Variants in TRIP11 observed in about 807,000 individuals in gnomAD.
TRIP11 encodes the protein thyroid receptor-interacting protein 11.
A neutral mutation model predicts 223.1 loss-of-function variants in TRIP11; 148 were observed. That is an observed-to-expected ratio of 0.66 (90% CI 0.58 to 0.76). The LOEUF is 0.76. Ranked by LOEUF, TRIP11 falls within the 30% of genes least tolerant of loss-of-function variation. TRIP11 has a pLI of 0.00. For synonymous variants in TRIP11, 762 were observed against 772.6 expected (o/e 0.99, Z 0.23); for missense variants, 2,043 against 2,222.0 (o/e 0.92, Z 1.62).
chr14:91,979,463 G>A (rs147083692), intron 16 of TRIP11, among the ~76,000 whole-genome samples: 109 of 152,272 alleles, frequency 7.2e-4, no homozygotes, highest in Non-Finnish European at 1.4e-3. Flanking sequence ...AACTTACTAA[G>A]ATTGGTATGG....
chr14:91,976,333 C>T lies in TRIP11; in HGVS notation c.5261-144G>A, dbSNP rs1044896930. On this transcript the variant is annotated intron_variant, in intron 16 of 20. Coordinates refer to ENST00000267622, the MANE Select transcript of TRIP11 (RefSeq NM_004239.4). ...TGGGAATATTCAATAACTTCTATCT[C>T]TTCTTTGGTCCAGGGAACTAGGCTC... The T allele has an allele frequency of 5.2e-6, 4 of 767,398 alleles. No individual in the cohort carries two copies. The African/African-American group carries it at 7.0e-5, about 13-fold the overall frequency. The allele number at this position is 767,398 out of a possible 1,614,324, so 47.5% of individuals were successfully genotyped here. A position where few individuals can be genotyped will look rare whatever the true frequency, so the allele number is the denominator to read the frequency against.
chr14:92,039,508 T>C (rs900070182), intron 1 of TRIP11, 39 bp downstream of exon 1: 1 of 1,609,520 alleles, frequency 6.2e-7, no homozygotes. Flanking sequence ...GTTCCCAGGG[T>C]CTTAGAAAAG....
intron 16 of TRIP11, among the ~76,000 whole-genome samples, chr14:91,983,514 C>T (rs2056568818): frequency 6.6e-6 from 1 of 152,148 alleles, no homozygotes; most frequent in African/African-American, 2.4e-5. Flanking sequence ...TCCCTTTAAA[C>T]TTAGAGGAAT....
chr14:92,005,872 G>C lies in TRIP11; in HGVS notation c.2104C>G (p.Gln702Glu), dbSNP rs1404493874. ...QLEECLAGNN[Q>E]LSLEKNTIVE... ...ATAGTGTTTTTTTCCAGAGAAAGCTGATTGTTACCAGCAAGACATTCTTCT... is the reference window on the plus strand; with the variant it reads ...ATAGTGTTTTTTTCCAGAGAAAGCTCATTGTTACCAGCAAGACATTCTTCT... Residue 702 changes from glutamine to glutamate, a missense_variant, in exon 11 of 21, where the codon CAG becomes GAG. Transcript: ENST00000267622. 1 of 1,613,966 alleles carries C rather than the reference G, an allele frequency of 6.2e-7. No individual in the cohort carries two copies. The highest frequency in any genetic ancestry group is 1.7e-5 in the Admixed American group (1 of 60,020).
intron 2 of TRIP11, 98 bp downstream of exon 2, chr14:92,033,094 C>T: frequency 3.4e-6 from 3 of 892,794 alleles, no homozygotes; most frequent in Non-Finnish European, 3.6e-6. Context: ...AAAAAAAGTG[C>T]TAAGCAGTAC....
intron 4 of TRIP11, among the ~76,000 whole-genome samples, chr14:92,020,097 AAAAC>A (rs2057091383): frequency 6.6e-6 from 1 of 152,008 alleles, no homozygotes; most frequent in Non-Finnish European, 1.5e-5. Context: ...AAAGTACAAA[AAAAC>A]ATTAGCCCGG....
intron 7 of TRIP11, 30 bp from the exon 8 acceptor site, chr14:92,011,825 A>G (rs760216139): frequency 6.2e-7 from 1 of 1,602,006 alleles, no homozygotes; most frequent in South Asian, 1.1e-5. Flanking sequence ...ACTTGACATT[A>G]AAATTATTTA....
chr14:91,974,801 A>G, intron 18 of TRIP11, 58 bp from the exon 19 acceptor site: 1 of 1,310,798 alleles, frequency 7.6e-7, no homozygotes, highest in Non-Finnish European at 1.1e-6. Flanking sequence ...AAAAAAAACA[A>G]GGACCACTTT....
rs967852686 is a variant in TRIP11 at position 92,039,602 on chromosome 14, G to T, written c.84C>A (p.Gly28=). ...TATCCTTTGTAAAGTTTGATATCTG[G>T]CCAGTGAGGGAAGCCAGGCTGCCCC... The part of the protein sequence containing the change: ...QVGGSLASLT[G]QISNFTKDML... The change falls in exon 1 of 21, where the codon GGC becomes GGA. Residue 28 remains glycine, a synonymous_variant. Coordinates refer to ENST00000267622, the MANE Select transcript of TRIP11 (RefSeq NM_004239.4). 2 of 1,613,456 alleles carry T rather than the reference G, an allele frequency of 1.2e-6. No homozygotes were observed. The highest frequency in any genetic ancestry group is 2.7e-5 in the African/African-American group (2 of 74,886).
intron 2 of TRIP11, chr14:92,030,647 G>A (rs1172396354): frequency 6.6e-6 from 1 of 152,222 alleles, no homozygotes; most frequent in East Asian, 1.9e-4. Flanking sequence ...CCAAAGTGCT[G>A]GGATTACAGG....
Position 91,999,948 on chromosome 14 carries a change from C to A in TRIP11, c.4698+20G>T. The A allele has an allele frequency of 2.5e-6, 4 of 1,613,550 alleles. No homozygotes were observed. The highest frequency in any genetic ancestry group is 4.5e-5 in the East Asian group (2 of 44,810). On this transcript the variant is annotated intron_variant, in intron 12 of 20. Coordinates refer to ENST00000267622, the MANE Select transcript of TRIP11 (RefSeq NM_004239.4). ...TAAACTTATTGTTTGATTCATAATT[C>A]TTTTAAAGTGAAAGTATACCTCATT...
At chr14:92,007,317 C>G (rs533731263) in intron 10 of TRIP11, among the ~76,000 whole-genome samples, 17 of 152,316 alleles carry the variant, frequency 1.1e-4, no homozygotes, top group African/African-American at 3.8e-4. Flanking sequence ...AGCCACTGCG[C>G]CCGGCATGTT....
chr14:92,005,844 A>G lies in TRIP11; in HGVS notation c.2132T>C (p.Val711Ala). The change falls in exon 11 of 21, where the codon GTG becomes GCG. Residue 711 changes from valine to alanine, a missense_variant. By Grantham distance (64) the Val-to-Ala change is moderately conservative (BLOSUM62 0). Coordinates refer to ENST00000267622, the MANE Select transcript of TRIP11 (RefSeq NM_004239.4). The stretch of plus-strand genomic sequence containing the variant: ...TCCTTTTTCCATTTTTAGAGTCTCC[A>G]CAATAGTGTTTTTTTCCAGAGAAAG... ...NQLSLEKNTI[V>A]ETLKMEKGEI... The G allele has an allele frequency of 1.2e-6, 2 of 1,614,018 alleles. No individual in the cohort carries two copies. The highest frequency in any genetic ancestry group is 1.7e-6 in the Non-Finnish European group (2 of 1,180,002).
intron 20 of TRIP11, 125 bp downstream of exon 20, chr14:91,972,592 A>T (rs2056413292): frequency 3.1e-6 from 3 of 969,764 alleles, no homozygotes; most frequent in Admixed American, 5.2e-5. Context: ...CCTTATTGGA[A>T]TTCTGGAAGT....
chr14:92,008,640 T>C (rs554429755), intron 9 of TRIP11, among the ~76,000 whole-genome samples: 1 of 152,348 alleles, frequency 6.6e-6, no homozygotes, highest in South Asian at 2.1e-4. Flanking sequence ...TAATAAACTA[T>C]ATATTAAAGC....
chr14:91,995,556 T>G lies in TRIP11; in HGVS notation c.4893-41A>C, dbSNP rs374352947. 1.4e-5 allele frequency: 22 copies of G among 1,609,304 alleles called. 1 individual carries two copies. In the South Asian group the frequency reaches 2.4e-4, roughly 18 times the overall value. ...ATAAAAGTCAAACTGCTTCATCTATTTAGATACTTTAACAAGAAGAAGCCA... is the reference window on the plus strand; with the variant it reads ...ATAAAAGTCAAACTGCTTCATCTATGTAGATACTTTAACAAGAAGAAGCCA... On this transcript the variant is annotated intron_variant, in intron 13 of 20. Coordinates refer to ENST00000267622, the MANE Select transcript of TRIP11 (RefSeq NM_004239.4).
intron 4 of TRIP11, among the ~76,000 whole-genome samples, chr14:92,020,366 T>C (rs1279839447): frequency 6.6e-6 from 1 of 151,984 alleles, no homozygotes; most frequent in Non-Finnish European, 1.5e-5. Context: ...ATCTGATATA[T>C]AAGACAAAAA....
chr14:92,020,641 T>C (rs1257482166), intron 4 of TRIP11, among the ~76,000 whole-genome samples: 1 of 151,104 alleles, frequency 6.6e-6, no homozygotes, highest in African/African-American at 2.4e-5. Context: ...GCAACTCAAT[T>C]TTTTTCCTCT....
chr14:92,011,540 G>A (rs1052904762), intron 8 of TRIP11, among the ~76,000 whole-genome samples: 3 of 128,388 alleles, frequency 2.3e-5, no homozygotes, highest in South Asian at 2.7e-4. Flanking sequence ...TGTCTAAAAC[G>A]AATGAAACCA....
Sources: gnomAD v4.1 joint callset for allele counts (sites outside exome capture counted in the v4.1 genomes callset) on GRCh38, gnomAD v4.1.1 for gene constraint, MANE v1.5 for transcripts, NCBI Gene and HGNC (gene_info 2026-07-23, HGNC 2026-07-21) for gene names.